The following HIVEP3 variants were observed in gnomAD, a reference collection of about 807,000 sequenced individuals.
HIVEP3 encodes transcription factor HIVEP3.
In HIVEP3, 49 loss-of-function variants were observed where a neutral mutation model predicts 152.8. That is an observed-to-expected ratio of 0.32 (90% CI 0.26 to 0.41). The LOEUF (loss-of-function observed/expected upper bound fraction) is 0.41, where lower values mean the gene tolerates loss of function less well. Among genes scored for constraint, HIVEP3 ranks in the 10% least tolerant of loss-of-function variants. The pLI is 1.00. For missense variants in HIVEP3, 2,790 were observed against 3,103.3 expected, an observed-to-expected ratio of 0.90 and a Z score of 2.40; for synonymous variants, 1,269 against 1,289.0, an observed-to-expected ratio of 0.98 and a Z score of 0.33.
intron 1 of HIVEP3, among the ~76,000 whole-genome samples, chr1:41,702,392 C>A (rs556897381): frequency 6.6e-6 from 1 of 152,132 alleles, no homozygotes; most frequent in African/African-American, 2.4e-5. Context: ...TTATTTGTAT[C>A]CACATTTTCT....
At chr1:41,830,176 C>T (rs1262648067) in intron 1 of HIVEP3, among the ~76,000 whole-genome samples, 1 of 152,222 alleles carries the variant, frequency 6.6e-6, no homozygotes, top group African/African-American at 2.4e-5. Flanking sequence ...AAATACATGT[C>T]TAACTATCTC....
intron 5 of HIVEP3, among the ~76,000 whole-genome samples, chr1:41,555,684 T>C (rs1263724477): frequency 2.0e-5 from 3 of 152,248 alleles, no homozygotes; most frequent in African/African-American, 7.2e-5. Flanking sequence ...TACATTCACA[T>C]TGTTGTGCAA....
intron 4 of HIVEP3, among the ~76,000 whole-genome samples, chr1:41,578,089 G>T (rs929388134): frequency 3.9e-5 from 6 of 152,224 alleles, no homozygotes; most frequent in African/African-American, 1.4e-4. Flanking sequence ...AAGGGCATTG[G>T]AGTAAAATCT....
chr1:41,564,505 G>A (rs1184379894), intron 5 of HIVEP3, among the ~76,000 whole-genome samples: 3 of 152,144 alleles, frequency 2.0e-5, no homozygotes, highest in Admixed American at 6.5e-5. Context: ...ACTGTGAGAC[G>A]TCATGTTCTA....
chr1:41,901,806 C>T (rs1644629024), intron 1 of HIVEP3, among the ~76,000 whole-genome samples: 1 of 152,170 alleles, frequency 6.6e-6, no homozygotes, highest in African/African-American at 2.4e-5. Flanking sequence ...TGCTTAGCCC[C>T]ACTCACTTAG....
chr1:41,683,861 G>A (rs1436140784), intron 2 of HIVEP3, among the ~76,000 whole-genome samples: 1 of 152,118 alleles, frequency 6.6e-6, no homozygotes, highest in East Asian at 1.9e-4. Flanking sequence ...GCACTTCGAG[G>A]TTCTTCCCAT....
At chr1:41,830,064 C>T (rs895125764) in intron 1 of HIVEP3, among the ~76,000 whole-genome samples, 1 of 152,208 alleles carries the variant, frequency 6.6e-6, no homozygotes, top group Non-Finnish European at 1.5e-5. Context: ...CACTTCATGT[C>T]AAGGTCTCAT....
chr1:41,943,273 C>G (rs1043745252), intron 1 of HIVEP3, among the ~76,000 whole-genome samples: 2 of 151,874 alleles, frequency 1.3e-5, no homozygotes, highest in African/African-American at 2.4e-5. Context: ...AAATGGGTTA[C>G]CTATAGGAGA....
chr1:41,735,007 C>T (rs1026649309), intron 1 of HIVEP3, among the ~76,000 whole-genome samples: 15 of 152,146 alleles, frequency 9.9e-5, no homozygotes, highest in African/African-American at 3.6e-4. Context: ...CAAGATAGTG[C>T]CCCACCAACA....
At chr1:41,657,847 G>A (rs768853773) in intron 2 of HIVEP3, among the ~76,000 whole-genome samples, 53 of 152,190 alleles carry the variant, frequency 3.5e-4, no homozygotes, top group Non-Finnish European at 6.2e-4. Context: ...CAAGGGGGTC[G>A]GAGCCACAGC....
chr1:41,725,506 C>T (rs941712848), intron 1 of HIVEP3, among the ~76,000 whole-genome samples: 1 of 152,226 alleles, frequency 6.6e-6, no homozygotes, highest in Non-Finnish European at 1.5e-5. Flanking sequence ...TTCCCACCTC[C>T]CAAAGCCCAA....
chr1:41,989,260 T>C (rs1408006981), intron 1 of HIVEP3, among the ~76,000 whole-genome samples: 1 of 152,202 alleles, frequency 6.6e-6, no homozygotes, highest in Non-Finnish European at 1.5e-5. Flanking sequence ...TTAATGGGTA[T>C]GTTAATTAGC....
chr1:41,881,126 G>T (rs1230506640), intron 1 of HIVEP3, among the ~76,000 whole-genome samples: 1 of 152,200 alleles, frequency 6.6e-6, no homozygotes, highest in African/African-American at 2.4e-5. Flanking sequence ...CGTTATGGTG[G>T]TGATGACAAC....
chr1:41,925,301 A>C (rs2124477097), intron 1 of HIVEP3, among the ~76,000 whole-genome samples: 1 of 152,300 alleles, frequency 6.6e-6, no homozygotes, highest in Non-Finnish European at 1.5e-5. Flanking sequence ...CCAAAACTTA[A>C]CTGCTAATAG....
intron 1 of HIVEP3, among the ~76,000 whole-genome samples, chr1:41,981,016 G>A (rs1415427346): frequency 6.6e-6 from 1 of 152,198 alleles, no homozygotes; most frequent in Non-Finnish European, 1.5e-5. Flanking sequence ...GCTAAAGTGG[G>A]TATCGTTGCA....
At chr1:41,574,810 C>A (rs1430611674) in intron 5 of HIVEP3, among the ~76,000 whole-genome samples, 1 of 152,218 alleles carries the variant, frequency 6.6e-6, no homozygotes, top group Admixed American at 6.5e-5. Flanking sequence ...CTCACAGACA[C>A]CCAAATCCCA....
chr1:41,980,277 T>A (rs1645287144), intron 1 of HIVEP3, among the ~76,000 whole-genome samples: 1 of 152,204 alleles, frequency 6.6e-6, no homozygotes, highest in Admixed American at 6.5e-5. Context: ...GTAGTATTAT[T>A]CATAATAGCC....
At chr1:41,905,920 G>T (rs183143089) in intron 1 of HIVEP3, among the ~76,000 whole-genome samples, 1 of 152,162 alleles carries the variant, frequency 6.6e-6, no homozygotes, top group African/African-American at 2.4e-5. Flanking sequence ...AGCTGAGGAG[G>T]CACAAAGACC....
At chr1:41,590,448 T>C (rs1644570959) in intron 3 of HIVEP3, among the ~76,000 whole-genome samples, 1 of 152,146 alleles carries the variant, frequency 6.6e-6, no homozygotes, top group South Asian at 2.1e-4. Flanking sequence ...GAAAAGTGCT[T>C]GCCCTCCACC....
Sources: allele counts gnomAD v4.1 joint callset (sites outside exome capture counted in the v4.1 genomes callset), GRCh38; gene constraint gnomAD v4.1.1; transcripts MANE v1.5; gene names NCBI Gene and HGNC (gene_info 2026-07-23, HGNC 2026-07-21).